CLIP1: variants seen among roughly 807,000 people sequenced by gnomAD.
The protein encoded by CLIP1 is CAP-Gly domain-containing linker protein 1.
Under a neutral mutation model 161.6 loss-of-function variants are expected in CLIP1, and 66 were observed. The ratio of observed to expected loss-of-function variants is 0.41; its 90% CI spans 0.33 to 0.50. The LOEUF is 0.50. Ranked by LOEUF, CLIP1 falls within the 20% of genes least tolerant of loss-of-function variation. The pLI, the probability that CLIP1 is intolerant of heterozygous loss-of-function variation, is 0.27. For synonymous variants in CLIP1, 598 were observed against 626.2 expected (o/e 0.96, Z 0.67); for missense variants, 1,376 against 1,702.0 (o/e 0.81, Z 3.37).
Position 122,369,049 on chromosome 12 carries a change from C to T in CLIP1, c.658-4942G>A, listed in dbSNP as rs1431320537. ...TTTCCTTCTTTTTGAGACGGAGTTT[C>T]GCTCTGTCGTCCAGGCTGGAGTGCA... On this transcript the variant is annotated intron_variant, in intron 3 of 25. Transcript: ENST00000620786. 3.3e-5 allele frequency among the ~76,000 whole-genome samples: 5 copies of T among 150,976 alleles called. No homozygotes were observed. The East Asian group carries it at 7.8e-4, about 23-fold the overall frequency.
intron 11 of CLIP1, among the ~76,000 whole-genome samples, chr12:122,340,337 C>G (rs1276412266): frequency 6.6e-6 from 1 of 152,136 alleles, no homozygotes; most frequent in African/African-American, 2.4e-5. Flanking sequence ...CCTCAGCCTC[C>G]CAAAGTGCTG....
intron 20 of CLIP1, among the ~76,000 whole-genome samples, chr12:122,298,945 C>T (rs1014429869): frequency 6.6e-6 from 1 of 152,140 alleles, no homozygotes; most frequent in Non-Finnish European, 1.5e-5. Flanking sequence ...CAGGGTGAGA[C>T]TCCGTCTCAA....
intron 1 of CLIP1, among the ~76,000 whole-genome samples, chr12:122,386,227 A>C (rs2136906152): frequency 6.6e-6 from 1 of 151,712 alleles, no homozygotes; most frequent in Admixed American, 6.6e-5. Context: ...CAGAGGTTGC[A>C]GTGAGCCGAG....
intron 1 of CLIP1, among the ~76,000 whole-genome samples, chr12:122,412,449 GT>G (rs1246322915): frequency 2.0e-5 from 3 of 151,896 alleles, no homozygotes; most frequent in Non-Finnish European, 4.4e-5. Flanking sequence ...GAGGTCATCA[GT>G]TTGAGACCAG....
intron 17 of CLIP1, among the ~76,000 whole-genome samples, chr12:122,321,488 C>A (rs1951500535): frequency 6.7e-6 from 1 of 150,164 alleles, no homozygotes; most frequent in Non-Finnish European, 1.5e-5. Context: ...TCAGGTGATC[C>A]ACCTGCCTCA....
At position 122,350,084 on chromosome 12, in the gene CLIP1, T is replaced by C. The variant is rs145133045; in HGVS notation, c.1401+1027A>G. On this transcript the variant is annotated intron_variant, in intron 9 of 25. Transcript: ENST00000620786. ...CATATTCGGCTAATTTTTGTATTTT[T>C]AGTAGAGACAGGGTTTCACCATGTT... Among the ~76,000 whole-genome samples, 211 of 151,502 alleles carry C rather than the reference T, an allele frequency of 1.4e-3. 4 individuals carry two copies. In the East Asian group the frequency reaches 0.032, roughly 23 times the overall value.
At chr12:122,339,984 C>T (rs932093703) in intron 11 of CLIP1, among the ~76,000 whole-genome samples, 2 of 152,062 alleles carry the variant, frequency 1.3e-5, no homozygotes, top group African/African-American at 2.4e-5. Flanking sequence ...CTTATGGAAC[C>T]GCCTTTGTTT....
intron 1 of CLIP1, chr12:122,399,901 T>G (rs1354858633): frequency 6.6e-6 from 1 of 152,202 alleles, no homozygotes; most frequent in Non-Finnish European, 1.5e-5. Context: ...GAAATCTATC[T>G]TAAGATAAAG....
In CLIP1 at chr12:122,389,238, C is replaced by T. The variant is rs183865196; in HGVS notation, c.-106-8680G>A. Among the ~76,000 whole-genome samples, 14 of 152,336 alleles carry T rather than the reference C, an allele frequency of 9.2e-5. No individual in the cohort carries two copies. In the East Asian group the frequency reaches 2.7e-3, roughly 29 times the overall value. ...GGCCATGTGTGTAGCTCACAGATTC[C>T]ACCACACTAGAAATCTCTCAAGGGA... On this transcript the variant is annotated intron_variant, in intron 1 of 25. Coordinates refer to ENST00000620786, the MANE Select transcript of CLIP1 (RefSeq NM_001247997.2).
intron 1 of CLIP1, among the ~76,000 whole-genome samples, chr12:122,394,767 T>A (rs1314917604): frequency 6.6e-6 from 1 of 151,266 alleles, no homozygotes; most frequent in Non-Finnish European, 1.5e-5. Flanking sequence ...GCGCCTGTAA[T>A]CCCAGCTCCC....
intron 3 of CLIP1, among the ~76,000 whole-genome samples, chr12:122,376,863 GCT>G (rs1169140636): frequency 1.3e-5 from 2 of 152,130 alleles, no homozygotes; most frequent in African/African-American, 4.8e-5. Context: ...ATAGTTCACT[GCT>G]CTTTCTAGAC....
At chr12:122,342,795 C>T (rs12427421) in intron 10 of CLIP1, 14,737 of 147,352 alleles carry the variant, frequency 0.1, 1,223 homozygotes, top group East Asian at 0.45. Flanking sequence ...CATTGTACTC[C>T]AGCCTGGGAG....
intron 3 of CLIP1, among the ~76,000 whole-genome samples, chr12:122,365,054 T>G (rs945130202): frequency 5.3e-5 from 8 of 151,270 alleles, no homozygotes; most frequent in Non-Finnish European, 8.9e-5. Context: ...ATGGACACAG[T>G]AAGGGGAACA....
intron 14 of CLIP1, among the ~76,000 whole-genome samples, chr12:122,333,705 C>T (rs1416207452): frequency 1.3e-5 from 2 of 152,134 alleles, no homozygotes. Flanking sequence ...GAGAACAGAC[C>T]GAAGCCGGCA....
intron 19 of CLIP1, among the ~76,000 whole-genome samples, chr12:122,314,002 C>T (rs887368598): frequency 3.3e-5 from 5 of 151,390 alleles, no homozygotes; most frequent in African/African-American, 1.2e-4. Flanking sequence ...ACTAAAAATA[C>T]AAAAAAATGG....
intron 9 of CLIP1, among the ~76,000 whole-genome samples, chr12:122,348,167 G>A (rs1429475798): frequency 6.6e-6 from 1 of 152,146 alleles, no homozygotes; most frequent in Admixed American, 6.5e-5. Context: ...ATTCCTACAT[G>A]TGATGGGGAA....
chr12:122,336,034 G>A (rs1952200780), intron 12 of CLIP1, among the ~76,000 whole-genome samples: 1 of 152,090 alleles, frequency 6.6e-6, no homozygotes, highest in Non-Finnish European at 1.5e-5. Flanking sequence ...CGGGTTTTCA[G>A]TGCAGGAGGC....
chr12:122,278,784 C>T lies in CLIP1; in HGVS notation c.3916+8G>A. ...TGTACAGAGAAGCACTGGGCAGGCGCCCTTTACCTGAGGAGCTGCTGAGCT... is the reference window on the plus strand; with the variant it reads ...TGTACAGAGAAGCACTGGGCAGGCGTCCTTTACCTGAGGAGCTGCTGAGCT... On this transcript the variant is annotated splice_region_variant and intron_variant, in intron 23 of 25. Coordinates refer to ENST00000620786, the MANE Select transcript of CLIP1 (RefSeq NM_001247997.2). The T allele has an allele frequency of 6.3e-7, 1 of 1,588,422 alleles. No individual in the cohort carries two copies. The highest frequency in any genetic ancestry group is 2.3e-4 in the Middle Eastern group (1 of 4,320).
chr12:122,327,942 C>T lies in CLIP1; in HGVS notation c.3249+5G>A, dbSNP rs373800219. ...AACACAAGGAAATTCTCTCGCGTCA[C>T]GTACTTTGGCTTTGTCGGCTTGCTT... is the stretch of plus-strand genomic sequence containing the variant. On this transcript the variant is annotated splice_donor_5th_base_variant and intron_variant, in intron 17 of 25. Transcript: ENST00000620786. 9 of 1,613,262 alleles carry T rather than the reference C, an allele frequency of 5.6e-6. No homozygotes were observed. The highest frequency in any genetic ancestry group is 1.3e-5 in the African/African-American group (1 of 74,918).
Sources: allele counts gnomAD v4.1 joint callset (sites outside exome capture counted in the v4.1 genomes callset), GRCh38; gene constraint gnomAD v4.1.1; transcripts MANE v1.5; gene names NCBI Gene and HGNC (gene_info 2026-07-23, HGNC 2026-07-21).